Variants in DNAH8 observed in about 807,000 individuals in gnomAD.
The protein encoded by DNAH8 is dynein axonemal heavy chain 8, also known as axonemal beta dynein heavy chain 8.
In DNAH8, 382 loss-of-function variants were observed where a neutral mutation model predicts 562.1. The observed-to-expected ratio is 0.68, with a 90% confidence interval of 0.63 to 0.74. DNAH8 has a LOEUF of 0.74. Ranked by LOEUF, DNAH8 falls within the 30% of genes least tolerant of loss-of-function variation. The pLI, the probability that DNAH8 is intolerant of heterozygous loss-of-function variation, is 0.00. For missense variants in DNAH8, 5,203 were observed against 5,620.4 expected (o/e 0.93, Z 2.37); for synonymous variants, 1,881 against 1,919.4 (o/e 0.98, Z 0.52).
rs994663754 is a variant in DNAH8 at position 38,951,384 on chromosome 6, G to T, written c.12315G>T (p.Lys4105Asn). The T allele has an allele frequency of 6.2e-7, 1 of 1,614,034 alleles. No individual in the cohort carries two copies. The highest frequency in any genetic ancestry group is 1.3e-5 in the African/African-American group (1 of 74,914). ...RKYIADSLEE[K>N]YTEPVILNLE... The stretch of plus-strand genomic sequence containing the variant: ...ATATTGCAGATTCTTTGGAGGAGAA[G>T]TACACAGAACCAGTTATCTTAAATC... The change falls in exon 82 of 93, where the codon AAG becomes AAT. Residue 4105 changes from lysine (K) to asparagine (N), a missense_variant. Around this residue, in one of 6 missense-constraint regions of DNAH8, gnomAD observed 1,399 missense variants for 1,518.4 expected, o/e 0.92. Coordinates refer to ENST00000327475, the MANE Select transcript of DNAH8 (RefSeq NM_001206927.2).
chr6:38,855,551 A>C (rs1297385516), intron 41 of DNAH8, among the ~76,000 whole-genome samples: 1 of 152,070 alleles, frequency 6.6e-6, no homozygotes, highest in Non-Finnish European at 1.5e-5. Flanking sequence ...TATGGGGTGC[A>C]TAGTGATGTT....
intron 88 of DNAH8, among the ~76,000 whole-genome samples, chr6:38,997,746 TTTTG>T (rs1011885274): frequency 1.1e-4 from 16 of 152,200 alleles, no homozygotes; most frequent in Middle Eastern, 3.4e-3. Flanking sequence ...TCTTGCTTCT[TTTTG>T]TTTGTTTGTT....
intron 88 of DNAH8, among the ~76,000 whole-genome samples, chr6:38,991,795 C>T (rs746539727): frequency 6.6e-6 from 1 of 152,196 alleles, no homozygotes; most frequent in Non-Finnish European, 1.5e-5. Flanking sequence ...TCCTAGATAT[C>T]ACAGTGGCTC....
At chr6:38,963,073 A>G (rs1762718108) in intron 82 of DNAH8, among the ~76,000 whole-genome samples, 1 of 152,034 alleles carries the variant, frequency 6.6e-6, no homozygotes, top group Non-Finnish European at 1.5e-5. Flanking sequence ...ATCACCACTA[A>G]AAATCTTATT....
chr6:38,791,758 C>G (rs1484465969), intron 21 of DNAH8, 84 bp downstream of exon 21: 1 of 1,437,274 alleles, frequency 7.0e-7, no homozygotes, highest in East Asian at 2.4e-5. Flanking sequence ...AAAGTAGAAA[C>G]CTGGGTCAGT....
chr6:38,870,586 T>C (rs1777394864), intron 49 of DNAH8, 24 bp downstream of exon 49: 1 of 1,596,684 alleles, frequency 6.3e-7, no homozygotes, highest in Admixed American at 1.7e-5. Flanking sequence ...AATCTATTAT[T>C]AGTATAATGA....
rs558170060 is a variant in DNAH8, at chr6:38,873,382, A to AT, written c.7620+15dup. 2.4e-4 allele frequency: 368 copies of AT among 1,564,070 alleles called. No homozygotes were observed. The highest frequency in any genetic ancestry group is 8.5e-4 in the African/African-American group (62 of 72,572). ...AGTGCAACTATATTGTGCAAGTAAG[A>AT]TTTTTTTTTGTACATTTACTACTTC... is the stretch of plus-strand genomic sequence containing the variant. On this transcript the variant is annotated splice_region_variant and intron_variant, in intron 52 of 92. Transcript: ENST00000327475.
At chr6:38,739,323 C>T (rs1225555679) in intron 7 of DNAH8, among the ~76,000 whole-genome samples, 2 of 152,240 alleles carry the variant, frequency 1.3e-5, no homozygotes, top group Admixed American at 6.5e-5. Flanking sequence ...ACCTAGCTAT[C>T]CCCAGTGACT....
At chr6:38,843,040 C>T in intron 35 of DNAH8, 137 bp downstream of exon 35, 1 of 740,688 alleles carries the variant, frequency 1.4e-6, no homozygotes, top group Non-Finnish European at 2.1e-6. Context: ...TGGAATGATC[C>T]TGAACATTCT....
chr6:38,749,596 C>T (rs539215828), intron 8 of DNAH8, among the ~76,000 whole-genome samples: 1 of 151,218 alleles, frequency 6.6e-6, no homozygotes, highest in South Asian at 2.1e-4. Context: ...GATTGCTCAT[C>T]TTTGAATAAA....
At chr6:38,788,254 C>A (rs11962470) in intron 18 of DNAH8, among the ~76,000 whole-genome samples, 2 of 151,872 alleles carry the variant, frequency 1.3e-5, no homozygotes, top group Admixed American at 6.6e-5. Context: ...TGGGTTCAAG[C>A]GATTCTCCTG....
chr6:38,816,526 A>G (rs1772291536), intron 26 of DNAH8, among the ~76,000 whole-genome samples: 1 of 152,152 alleles, frequency 6.6e-6, no homozygotes, highest in African/African-American at 2.4e-5. Context: ...TGCTATTGTG[A>G]ATAGTGCTGC....
intron 32 of DNAH8, among the ~76,000 whole-genome samples, chr6:38,834,971 G>A (rs1432764248): frequency 6.6e-6 from 1 of 151,922 alleles, no homozygotes; most frequent in Non-Finnish European, 1.5e-5. Flanking sequence ...TTAAATATTG[G>A]CAAATGTTTT....
chr6:38,773,118 A>G (rs998665995), intron 12 of DNAH8, among the ~76,000 whole-genome samples: 2 of 151,754 alleles, frequency 1.3e-5, no homozygotes, highest in East Asian at 3.9e-4. Flanking sequence ...TGCTCAGCCA[A>G]TAGGGATTTT....
chr6:38,929,394 GTCT>G (rs1173318222), intron 74 of DNAH8, 114 bp from the exon 75 acceptor site: 2 of 1,042,052 alleles, frequency 1.9e-6, no homozygotes, highest in Non-Finnish European at 2.7e-6. Flanking sequence ...TTTTAAGTAA[GTCT>G]TCTTCTATTG....
At position 38,924,510 on chromosome 6, in the gene DNAH8, C is replaced by CA. The variant is rs752084730; in HGVS notation, c.10962+356dup. Among the ~76,000 whole-genome samples the CA allele has an allele frequency of 6.6e-3, 993 of 150,868 alleles. 14 individuals are homozygous for CA. The highest frequency in any genetic ancestry group is 0.023 in the African/African-American group (936 of 41,296). On this transcript the variant is annotated intron_variant, in intron 73 of 92. Coordinates refer to ENST00000327475, the MANE Select transcript of DNAH8 (RefSeq NM_001206927.2). ...CAAGAGAGAAACTCCATCCCCCCCC[C>CA]AAAAAAAAGAAACCCAGGTTCATTG...
chr6:38,985,948 T>G (rs532030850), intron 87 of DNAH8, among the ~76,000 whole-genome samples: 7 of 152,092 alleles, frequency 4.6e-5, no homozygotes, highest in African/African-American at 1.7e-4. Context: ...GAGGATCGAG[T>G]GGCACATCAT....
chr6:38,935,456 G>T, intron 76 of DNAH8, 136 bp from the exon 77 acceptor site: 2 of 625,718 alleles, frequency 3.2e-6, no homozygotes. Flanking sequence ...TTTGGCTAAT[G>T]ATAGTAATTT....
chr6:38,973,644 C>T lies in DNAH8; in HGVS notation c.12526-17C>T, dbSNP rs981052180. The T allele has an allele frequency of 1.3e-6, 2 of 1,544,732 alleles. No individual in the cohort carries two copies. Among genetic ancestry groups the T allele is most frequent in the East Asian group, 4.7e-5 (2 of 42,668 alleles). On this transcript the variant is annotated splice_polypyrimidine_tract_variant and intron_variant, in intron 83 of 92. Coordinates refer to ENST00000327475, the MANE Select transcript of DNAH8 (RefSeq NM_001206927.2). ...AAAGGTTACAAGAAATAAATATGAA[C>T]TTATTTTTGGATACAGGGTGGTTGG...
Sources: allele counts gnomAD v4.1 joint callset (sites outside exome capture counted in the v4.1 genomes callset), GRCh38; gene constraint gnomAD v4.1.1; regional missense constraint gnomAD v4.1.1; transcripts MANE v1.5; gene names NCBI Gene and HGNC (gene_info 2026-07-23, HGNC 2026-07-21).